KIRREL3: variants seen among roughly 807,000 people sequenced by gnomAD.
KIRREL3 encodes kin of IRRE-like protein 3.
In KIRREL3, 36 loss-of-function variants were observed where a neutral mutation model predicts 89.7. That is an observed-to-expected ratio of 0.40 (90% confidence interval 0.31 to 0.53). KIRREL3 has a LOEUF of 0.53. Ranked by LOEUF, KIRREL3 falls within the 20% of genes least tolerant of loss-of-function variation. KIRREL3 has a pLI of 0.49. For missense variants in KIRREL3, 864 were observed against 1,056.6 expected (o/e 0.82, Z 2.53); for synonymous variants, 445 against 441.4 (o/e 1.01, Z -0.10).
chr11:126,625,642 C>A (rs1943753386), intron 1 of KIRREL3, among the ~76,000 whole-genome samples: 1 of 152,184 alleles, frequency 6.6e-6, no homozygotes, highest in South Asian at 2.1e-4. Context: ...TGTCCTGCCC[C>A]TCCTGTCCCC....
chr11:126,965,543 G>A lies in KIRREL3; in HGVS notation c.55+34912C>T, dbSNP rs765537965. The stretch of plus-strand genomic sequence containing the variant: ...GAACCCTATTGTGAAAGACTAACAC[G>A]TGCGTCATTGCCATTTGAATTCACG... On this transcript the variant is annotated intron_variant, in intron 1 of 16. Transcript: ENST00000525144. This position sits in a 1 kb window ranked among gnomAD's most constrained non-coding sequence, Gnocchi z 4.4. 2.0e-5 allele frequency among the ~76,000 whole-genome samples: 3 copies of A among 152,162 alleles called. No homozygotes were observed. Among genetic ancestry groups the A allele is most frequent in the Non-Finnish European group, 4.4e-5 (3 of 68,020 alleles).
intron 1 of KIRREL3, among the ~76,000 whole-genome samples, chr11:126,884,683 G>A (rs761073536): frequency 2.6e-5 from 4 of 152,036 alleles, no homozygotes; most frequent in Non-Finnish European, 4.4e-5. Flanking sequence ...CTAATTAATC[G>A]ATTCATCAAA....
intron 1 of KIRREL3, among the ~76,000 whole-genome samples, chr11:126,798,564 G>C (rs1339098758): frequency 6.6e-6 from 1 of 152,220 alleles, no homozygotes; most frequent in Non-Finnish European, 1.5e-5. Flanking sequence ...AGTATTATTT[G>C]TAAGTACATT....
chr11:126,986,388 C>T (rs765243106), intron 1 of KIRREL3, among the ~76,000 whole-genome samples: 4 of 152,060 alleles, frequency 2.6e-5, no homozygotes, highest in Non-Finnish European at 4.4e-5. Context: ...CAAGAATTCT[C>T]GGGGTGCATT....
rs2134535208 is a variant in KIRREL3 at position 126,551,404 on chromosome 11, C to T, written c.133+11431G>A. Among the ~76,000 whole-genome samples, 1 of 152,188 alleles carries T rather than the reference C, an allele frequency of 6.6e-6. No homozygotes were observed. The highest frequency in any genetic ancestry group is 1.9e-4 in the East Asian group (1 of 5,152). On this transcript the variant is annotated intron_variant, in intron 2 of 16. Transcript: ENST00000525144. The surrounding 1 kb of genome is among the most constrained non-coding windows in gnomAD (Gnocchi z 4.9). The stretch of plus-strand genomic sequence containing the variant: ...GCCTGCCCCTGAGGCCTAACACACC[C>T]AACATATGGCAAAAGACTGTAGCAA...
rs533701011 is a variant in KIRREL3 at position 126,719,936 on chromosome 11, A to G, written c.56-157024T>C. Among the ~76,000 whole-genome samples, 4 of 152,112 alleles carry G rather than the reference A, an allele frequency of 2.6e-5. No individual in the cohort carries two copies. The highest frequency in any genetic ancestry group is 2.6e-4 in the Admixed American group (4 of 15,274). ...TTGGATCTGATCGCTCCTCTGTCCA[A>G]ACTTCTGATGGCTTAGGGTCAGGGT... On this transcript the variant is annotated intron_variant, in intron 1 of 16. Transcript: ENST00000525144. This position sits in a 1 kb window ranked among gnomAD's most constrained non-coding sequence, Gnocchi z 4.7.
chr11:126,968,151 C>A (rs1283471328), intron 1 of KIRREL3, among the ~76,000 whole-genome samples: 1 of 152,128 alleles, frequency 6.6e-6, no homozygotes, highest in Non-Finnish European at 1.5e-5. Context: ...TTTCATTTTG[C>A]TTTTCAAATT....
chr11:126,547,640 G>A (rs1938915420), intron 2 of KIRREL3, among the ~76,000 whole-genome samples: 1 of 152,178 alleles, frequency 6.6e-6, no homozygotes, highest in African/African-American at 2.4e-5. Flanking sequence ...CTCAATATTA[G>A]GCACAGTCAG....
At chr11:126,922,506 C>A (rs1947393309) in intron 1 of KIRREL3, among the ~76,000 whole-genome samples, 1 of 152,056 alleles carries the variant, frequency 6.6e-6, no homozygotes, top group African/African-American at 2.4e-5. Flanking sequence ...ACTTTCCCTG[C>A]CCTTACATGA....
chr11:126,841,735 C>T (rs1465438942), intron 1 of KIRREL3, among the ~76,000 whole-genome samples: 1 of 152,168 alleles, frequency 6.6e-6, no homozygotes. Flanking sequence ...CACCCTACAG[C>T]GTCATCTTCA....
intron 1 of KIRREL3, among the ~76,000 whole-genome samples, chr11:126,988,276 T>C (rs1949929142): frequency 6.6e-6 from 1 of 152,180 alleles, no homozygotes; most frequent in African/African-American, 2.4e-5. Flanking sequence ...GGAAGTGGGT[T>C]GTGGAGGCAG....
chr11:126,865,645 G>A (rs569052677), intron 1 of KIRREL3, among the ~76,000 whole-genome samples: 1 of 152,316 alleles, frequency 6.6e-6, no homozygotes, highest in East Asian at 1.9e-4. Flanking sequence ...TTTGAGAAAC[G>A]TGCAGAGATG....
chr11:126,980,471 T>C (rs184964293), intron 1 of KIRREL3, among the ~76,000 whole-genome samples: 12 of 150,698 alleles, frequency 8.0e-5, no homozygotes, highest in African/African-American at 2.9e-4. Context: ...AGGGGAGGAG[T>C]AAATTGTGTA....
At chr11:126,930,062 T>C (rs1947880479) in intron 1 of KIRREL3, among the ~76,000 whole-genome samples, 1 of 258 alleles carries the variant, frequency 3.9e-3, no homozygotes. Flanking sequence ...GCTTTCAGCA[T>C]AATTATTTGT....
At position 126,587,849 on chromosome 11, in the gene KIRREL3, T is replaced by G. The variant is rs1941941983; in HGVS notation, c.56-24937A>C. On this transcript the variant is annotated intron_variant, in intron 1 of 16. Coordinates refer to ENST00000525144, the MANE Select transcript of KIRREL3 (RefSeq NM_032531.4). The surrounding 1 kb of genome is among the most constrained non-coding windows in gnomAD (Gnocchi z 5.2). The stretch of plus-strand genomic sequence containing the variant: ...TTCTTATTGCCATCTATCTTTTCAC[T>G]TCTTTTTAGTTTTCATGAGAGTGAG... 6.6e-6 allele frequency among the ~76,000 whole-genome samples: 1 copy of G among 152,212 alleles called. No individual in the cohort carries two copies. The highest frequency in any genetic ancestry group is 2.4e-5 in the African/African-American group (1 of 41,448).
chr11:126,914,138 C>A (rs1235542029), intron 1 of KIRREL3, among the ~76,000 whole-genome samples: 1 of 152,178 alleles, frequency 6.6e-6, no homozygotes, highest in Non-Finnish European at 1.5e-5. Context: ...CCAATTCCTG[C>A]CCTCTGTCAT....
chr11:126,946,441 C>A lies in KIRREL3; in HGVS notation c.55+54014G>T, dbSNP rs1012945677. Among the ~76,000 whole-genome samples, 4 of 152,180 alleles carry A rather than the reference C, an allele frequency of 2.6e-5. No homozygotes were observed. Among genetic ancestry groups the A allele is most frequent in the Non-Finnish European group, 4.4e-5 (3 of 68,036 alleles). ...TCTTCATTAATAAAATGCTATTAGACTTTATTTACACACAGTTGAAAAAGG... is the reference window on the plus strand; with the variant it reads ...TCTTCATTAATAAAATGCTATTAGAATTTATTTACACACAGTTGAAAAAGG... On this transcript the variant is annotated intron_variant, in intron 1 of 16. Coordinates refer to ENST00000525144, the MANE Select transcript of KIRREL3 (RefSeq NM_032531.4). This position sits in a 1 kb window ranked among gnomAD's most constrained non-coding sequence, Gnocchi z 4.1.
intron 1 of KIRREL3, among the ~76,000 whole-genome samples, chr11:126,637,087 G>T (rs1944295092): frequency 6.6e-6 from 1 of 152,078 alleles, no homozygotes; most frequent in Non-Finnish European, 1.5e-5. Flanking sequence ...TCCTCTGCAG[G>T]ATGACTCAGC....
chr11:126,828,470 G>A (rs1943491834), intron 1 of KIRREL3, among the ~76,000 whole-genome samples: 1 of 152,328 alleles, frequency 6.6e-6, no homozygotes, highest in South Asian at 2.1e-4. Context: ...GAATGTGGCA[G>A]TATAAAATAA....
Sources: allele counts gnomAD v4.1 joint callset (sites outside exome capture counted in the v4.1 genomes callset), GRCh38; gene constraint gnomAD v4.1.1; non-coding constraint Gnocchi (gnomAD v3.1); transcripts MANE v1.5; gene names NCBI Gene and HGNC (gene_info 2026-07-23, HGNC 2026-07-21).